TRIM5: variants seen among roughly 807,000 people sequenced by gnomAD.
TRIM5 encodes the protein tripartite motif-containing protein 5.
TRIM5 carries 31 observed loss-of-function variants against 35.6 expected under a neutral mutation model. The ratio of observed to expected loss-of-function variants is 0.87; its 90% confidence interval spans 0.65 to 1.18. The LOEUF (loss-of-function observed/expected upper bound fraction) is 1.18. Among genes scored for constraint, TRIM5 ranks in the 50% most tolerant of loss-of-function variants. The pLI, the probability that TRIM5 is intolerant of heterozygous loss-of-function variation, is 0.00. For synonymous variants in TRIM5, 243 were observed against 215.6 expected (o/e 1.13, Z -1.11); for missense variants, 609 against 591.6 (o/e 1.03, Z -0.31).
chr11:5,654,897 T>A, the TRIM5 span, among the ~76,000 whole-genome samples: 2 of 152,048 alleles, frequency 1.3e-5, no homozygotes, highest in Non-Finnish European at 2.9e-5. Context: ...ATATAAGAAA[T>A]GGCATTTTTC....
At chr11:5,617,605 C>T in the TRIM5 span, among the ~76,000 whole-genome samples, 4 of 141,664 alleles carry the variant, frequency 2.8e-5, no homozygotes, top group African/African-American at 1.0e-4. Flanking sequence ...TCACCAGCCT[C>T]GGCCTCCCGA....
At position 5,680,124 on chromosome 11, in the gene TRIM5, G is replaced by A. The variant is rs1852320377; in HGVS notation, c.54C>T (p.Cys18=). ...TCAGGGGTTGTGTCAGGAGTTCCAGGCAGATGGGGCAGGTCACCTCCTCCT... is the reference window on the plus strand; with the variant it reads ...TCAGGGGTTGTGTCAGGAGTTCCAGACAGATGGGGCAGGTCACCTCCTCCT... The part of the protein sequence containing the change: ...NVKEEVTCPI[C]LELLTQPLSL... Residue 18 remains cysteine (C), a synonymous_variant, in exon 2 of 8, where the codon TGC becomes TGT. Transcript: ENST00000380034. 1 of 1,613,922 alleles carries A rather than the reference G, an allele frequency of 6.2e-7. No individual in the cohort carries two copies. The highest frequency in any genetic ancestry group is 8.5e-7 in the Non-Finnish European group (1 of 1,179,930).
At chr11:5,643,338 T>C in the TRIM5 span, 12 of 1,613,882 alleles carry the variant, frequency 7.4e-6, no homozygotes, top group South Asian at 1.1e-4. Flanking sequence ...CCTGGGGGTA[T>C]ACTGTAGAAC....
At chr11:5,597,060 T>G in the TRIM5 span, 1 of 1,119,418 alleles carries the variant, frequency 8.9e-7, no homozygotes, top group Non-Finnish European at 1.2e-6. Flanking sequence ...CCCACTGAGG[T>G]TAGAGACATT....
chr11:5,638,957 T>C, the TRIM5 span, among the ~76,000 whole-genome samples: 1 of 152,110 alleles, frequency 6.6e-6, no homozygotes, highest in South Asian at 2.1e-4. Context: ...TGCCTTCACG[T>C]GGGAGTGCAC....
chr11:5,655,773 C>T, the TRIM5 span: 1 of 787,964 alleles, frequency 1.3e-6, no homozygotes, highest in Non-Finnish European at 1.5e-6. Context: ...TTCAGTGCTA[C>T]ATTTTAATTA....
the TRIM5 span, chr11:5,596,601 C>T: frequency 4.5e-6 from 1 of 222,080 alleles, no homozygotes; most frequent in South Asian, 5.2e-5. Context: ...AAGTGAGCAC[C>T]GTTTATCCCC....
the TRIM5 span, among the ~76,000 whole-genome samples, chr11:5,601,627 G>A: frequency 1.3e-5 from 2 of 152,054 alleles, no homozygotes; most frequent in Admixed American, 6.5e-5. Flanking sequence ...GCATGGTGGC[G>A]CTCACCTGTA....
the TRIM5 span, among the ~76,000 whole-genome samples, chr11:5,639,764 T>C: frequency 1.4e-5 from 2 of 146,080 alleles, no homozygotes; most frequent in East Asian, 4.1e-4. Flanking sequence ...TGACTGTACA[T>C]AAGACTATGT....
At chr11:5,652,047 C>T in the TRIM5 span, among the ~76,000 whole-genome samples, 2 of 151,938 alleles carry the variant, frequency 1.3e-5, no homozygotes, top group African/African-American at 4.8e-5. Context: ...ATATATTAAC[C>T]GTTTGTCAGG....
chr11:5,641,130 T>C, the TRIM5 span: 5 of 1,610,960 alleles, frequency 3.1e-6, no homozygotes, highest in Non-Finnish European at 4.2e-6. Flanking sequence ...CACCAGTCTT[T>C]ATACACTTTG....
At chr11:5,630,365 G>T in the TRIM5 span, among the ~76,000 whole-genome samples, 1 of 151,886 alleles carries the variant, frequency 6.6e-6, no homozygotes, top group South Asian at 2.1e-4. Flanking sequence ...ACCCTCATCT[G>T]CTTCTCTCTG....
chr11:5,600,070 A>C, the TRIM5 span, among the ~76,000 whole-genome samples: 1 of 152,218 alleles, frequency 6.6e-6, no homozygotes, highest in South Asian at 2.1e-4. Context: ...ATAGGTAAAT[A>C]CGTCTGTAAC....
intron 4 of TRIM5, among the ~76,000 whole-genome samples, chr11:5,676,416 T>C (rs1281695740): frequency 6.6e-6 from 1 of 152,130 alleles, no homozygotes; most frequent in Non-Finnish European, 1.5e-5. Flanking sequence ...GAAGGACTTC[T>C]TCAAGGAGAA....
intron 4 of TRIM5, among the ~76,000 whole-genome samples, chr11:5,670,654 T>A (rs1447385522): frequency 6.6e-6 from 1 of 152,204 alleles, no homozygotes. Flanking sequence ...GCCTTAACTT[T>A]GAATTAATCT....
At chr11:5,635,254 A>ATTTTT in the TRIM5 span, among the ~76,000 whole-genome samples, 1 of 128,320 alleles carries the variant, frequency 7.8e-6, no homozygotes, top group South Asian at 2.4e-4. Flanking sequence ...TTCCCTGTTA[A>ATTTTT]TTTTTTTTTT....
the TRIM5 span, among the ~76,000 whole-genome samples, chr11:5,632,958 C>G: frequency 6.7e-6 from 1 of 148,590 alleles, no homozygotes. Context: ...TCCCAAGTAG[C>G]TCGGATTACA....
chr11:5,590,715 C>T, the TRIM5 span: 1 of 152,262 alleles, frequency 6.6e-6, no homozygotes, highest in African/African-American at 2.4e-5. Flanking sequence ...TGGCAACCCA[C>T]TGGGGTCACC....
At chr11:5,648,716 C>T in the TRIM5 span, among the ~76,000 whole-genome samples, 1 of 152,074 alleles carries the variant, frequency 6.6e-6, no homozygotes, top group African/African-American at 2.4e-5. Flanking sequence ...AGTTTTCACC[C>T]TTGTGGAAGA....
Sources: gnomAD v4.1 joint callset for allele counts (sites outside exome capture counted in the v4.1 genomes callset) on GRCh38, gnomAD v4.1.1 for gene constraint, MANE v1.5 for transcripts, NCBI Gene and HGNC (gene_info 2026-07-23, HGNC 2026-07-21) for gene names.